Variants in PHLPP1 observed in about 807,000 individuals in gnomAD.
The protein encoded by PHLPP1 is PH domain leucine-rich repeat-containing protein phosphatase 1.
Under a neutral mutation model 117.2 loss-of-function variants are expected in PHLPP1, and 42 were observed. The observed-to-expected ratio is 0.36, with a 90% CI of 0.28 to 0.46. The LOEUF (loss-of-function observed/expected upper bound fraction) is 0.46, where lower values mean the gene tolerates loss of function less well. PHLPP1 is among the 20% of genes least tolerant of loss of function. PHLPP1 has a pLI of 1.00. For missense variants in PHLPP1, 2,084 were observed against 2,241.9 expected (o/e 0.93, Z 1.42); for synonymous variants, 1,042 against 970.7 (o/e 1.07, Z -1.37).
chr18:62,760,048 G>A (rs1175290025), intron 1 of PHLPP1, among the ~76,000 whole-genome samples: 3 of 152,196 alleles, frequency 2.0e-5, no homozygotes, highest in South Asian at 2.1e-4. Context: ...AGAAATGATA[G>A]TAGTGCCCCC....
At chr18:62,893,220 T>G (rs941538308) in intron 4 of PHLPP1, among the ~76,000 whole-genome samples, 2 of 152,018 alleles carry the variant, frequency 1.3e-5, no homozygotes, top group African/African-American at 4.8e-5. Flanking sequence ...TTTTTTTGTA[T>G]TTTTAGTAGA....
intron 1 of PHLPP1, among the ~76,000 whole-genome samples, chr18:62,767,205 T>G (rs1269667093): frequency 6.6e-6 from 1 of 152,222 alleles, no homozygotes; most frequent in African/African-American, 2.4e-5. Context: ...TCAGGAAAAT[T>G]AATTTTCCAA....
chr18:62,719,352 G>C (rs1259528138), intron 1 of PHLPP1, among the ~76,000 whole-genome samples: 1 of 152,204 alleles, frequency 6.6e-6, no homozygotes, highest in Non-Finnish European at 1.5e-5. Context: ...CATCTCTGCT[G>C]TTATTCATTT....
intron 1 of PHLPP1, among the ~76,000 whole-genome samples, chr18:62,819,962 A>C (rs931862425): frequency 2.0e-5 from 3 of 152,196 alleles, no homozygotes; most frequent in Admixed American, 6.5e-5. Context: ...AACCCATTTT[A>C]AATATAAAGA....
intron 8 of PHLPP1, among the ~76,000 whole-genome samples, chr18:62,914,376 T>C (rs920139188): frequency 6.6e-6 from 1 of 152,346 alleles, no homozygotes; most frequent in Non-Finnish European, 1.5e-5. Context: ...GGAGCTAGAC[T>C]GTTTTTTTAG....
At position 62,717,060 on chromosome 18, in the gene PHLPP1, G is replaced by A. The variant is rs982829935; in HGVS notation, c.1377G>A (p.Ala459=). The change falls in exon 1 of 17, where the codon GCG becomes GCA. Residue 459 remains alanine, a synonymous_variant. Transcript: ENST00000262719. ...CCCCCGGGAGGAGCGGGGTGACCGC[G>A]GAGAAGGCGCCTCCGCCGCCCCCGC... ...QSTPGRSGVT[A]EKAPPPPPPP... 6.5e-7 allele frequency: 1 copy of A among 1,546,694 alleles called. No individual in the cohort carries two copies. The highest frequency in any genetic ancestry group is 1.4e-5 in the African/African-American group (1 of 72,956).
chr18:62,925,062 G>C (rs780443837), intron 10 of PHLPP1, among the ~76,000 whole-genome samples: 1 of 151,898 alleles, frequency 6.6e-6, no homozygotes, highest in Non-Finnish European at 1.5e-5. Context: ...TAGAGTTGAG[G>C]ATTTTCCTGA....
At chr18:62,869,981 C>T (rs1568144425) in intron 4 of PHLPP1, among the ~76,000 whole-genome samples, 1 of 152,286 alleles carries the variant, frequency 6.6e-6, no homozygotes, top group East Asian at 1.9e-4. Flanking sequence ...CAACCTCTGC[C>T]TCCCAGGTTC....
At position 62,972,432 on chromosome 18, in the gene PHLPP1, G is replaced by A. The variant is rs1046206778; in HGVS notation, c.3561-82G>A. On this transcript the variant is annotated intron_variant, in intron 14 of 16. Transcript: ENST00000262719. ...TGAAGAAAGAGACAAAACTGAGTTAGGAAAATCTTGAAATAAGCACTGGGC... is the reference window on the plus strand; with the variant it reads ...TGAAGAAAGAGACAAAACTGAGTTAAGAAAATCTTGAAATAAGCACTGGGC... 2.2e-5 allele frequency: 28 copies of A among 1,296,954 alleles called. No individual in the cohort carries two copies. The Admixed American group carries it at 5.9e-4, about 27-fold the overall frequency. 80.3% of individuals were successfully genotyped at this position (1,296,954 alleles called of 1,614,324 possible). A position where few individuals can be genotyped will look rare whatever the true frequency, so the allele number is the denominator to read the frequency against.
At chr18:62,973,690 C>G (rs756036823) in intron 15 of PHLPP1, among the ~76,000 whole-genome samples, 32 of 152,174 alleles carry the variant, frequency 2.1e-4, no homozygotes, top group Non-Finnish European at 4.0e-4. Context: ...TGCTGCTACA[C>G]TCACCCCTGA....
At chr18:62,823,124 A>T (rs1028221037) in intron 1 of PHLPP1, among the ~76,000 whole-genome samples, 1 of 152,212 alleles carries the variant, frequency 6.6e-6, no homozygotes, top group Non-Finnish European at 1.5e-5. Context: ...TTTGTCAAAG[A>T]TTTTTTAAGT....
Position 62,978,315 on chromosome 18 carries a change from C to T in PHLPP1, c.4038C>T (p.Phe1346=). 1 of 1,613,206 alleles carries T rather than the reference C, an allele frequency of 6.2e-7. No individual in the cohort carries two copies. Among genetic ancestry groups the T allele is most frequent in the Non-Finnish European group, 8.5e-7 (1 of 1,179,414 alleles). Reference sequence around the variant, plus strand: ...CCACGCGCATCCTGGGCTACACCTTCCTCCATCCCAGTGTGGTGCCTCGCC... The same window carrying T: ...CCACGCGCATCCTGGGCTACACCTTTCTCCATCCCAGTGTGGTGCCTCGCC... ...TESTRILGYT[F]LHPSVVPRPH... The change falls in exon 17 of 17, where the codon TTC becomes TTT. Residue 1346 remains phenylalanine, a synonymous_variant. Coordinates refer to ENST00000262719, the MANE Select transcript of PHLPP1 (RefSeq NM_194449.4). The surrounding 1 kb of genome is among the most constrained non-coding windows in gnomAD (Gnocchi z 7.0).
intron 15 of PHLPP1, 131 bp from the exon 16 acceptor site, chr18:62,975,266 G>A (rs1294076834): frequency 4.6e-6 from 3 of 652,998 alleles, no homozygotes; most frequent in Non-Finnish European, 8.3e-6. Flanking sequence ...GTGCTTTGAT[G>A]AAGGAGGCGG....
At chr18:62,894,155 G>A (rs1916494458) in intron 4 of PHLPP1, among the ~76,000 whole-genome samples, 2 of 152,208 alleles carry the variant, frequency 1.3e-5, no homozygotes, top group African/African-American at 4.8e-5. Context: ...AGGGTGTGTG[G>A]TCAGCAGCAT....
intron 2 of PHLPP1, among the ~76,000 whole-genome samples, chr18:62,831,507 T>G (rs1186587827): frequency 7.2e-5 from 11 of 151,960 alleles, no homozygotes; most frequent in African/African-American, 2.4e-4. Flanking sequence ...CCAGCTAATT[T>G]TTTGTATTTT....
intron 10 of PHLPP1, among the ~76,000 whole-genome samples, chr18:62,926,875 CA>C (rs918158503): frequency 3.3e-5 from 5 of 152,126 alleles, no homozygotes; most frequent in Non-Finnish European, 5.9e-5. Context: ...AAATAAGCAT[CA>C]ATTCCCAGCA....
intron 2 of PHLPP1, 187 bp from the exon 3 acceptor site, chr18:62,838,597 C>CT: frequency 1.9e-6 from 1 of 516,658 alleles, no homozygotes. Flanking sequence ...AAAACTCCCC[C>CT]TTTTTTGGTT....
intron 2 of PHLPP1, among the ~76,000 whole-genome samples, chr18:62,834,884 C>G (rs1472584042): frequency 6.6e-6 from 1 of 152,112 alleles, no homozygotes; most frequent in African/African-American, 2.4e-5. Context: ...TCCCACTCCT[C>G]TCCATCCCTA....
intron 1 of PHLPP1, among the ~76,000 whole-genome samples, chr18:62,742,658 A>ATTCCTGACC (rs1370563317): frequency 2.0e-5 from 3 of 152,152 alleles, no homozygotes; most frequent in African/African-American, 7.2e-5. Flanking sequence ...CTGGTCTTGA[A>ATTCCTGACC]TTCCTGACCT....
Sources: allele counts gnomAD v4.1 joint callset (sites outside exome capture counted in the v4.1 genomes callset), GRCh38; gene constraint gnomAD v4.1.1; non-coding constraint Gnocchi (gnomAD v3.1); transcripts MANE v1.5; gene names NCBI Gene and HGNC (gene_info 2026-07-23, HGNC 2026-07-21).